The following EXT2 variants were observed in gnomAD, a reference collection of about 807,000 sequenced individuals.
EXT2 encodes the protein exostosin glycosyltransferase 2, also known as exostosin-2.
In EXT2, 53 loss-of-function variants were observed where a neutral mutation model predicts 81.6. That is an observed-to-expected ratio of 0.65 (90% CI 0.52 to 0.82). The LOEUF is 0.82. EXT2 is among the 40% of genes least tolerant of loss of function. The pLI, the probability that EXT2 is intolerant of heterozygous loss-of-function variation, is 0.00. For missense variants in EXT2, 774 were observed against 910.2 expected, an observed-to-expected ratio of 0.85 and a Z score of 1.93; for synonymous variants, 320 against 340.0, an observed-to-expected ratio of 0.94 and a Z score of 0.65.
chr11:44,106,753 C>T (rs998896006), intron 1 of EXT2, among the ~76,000 whole-genome samples: 1 of 152,222 alleles, frequency 6.6e-6, no homozygotes, highest in Non-Finnish European at 1.5e-5. Context: ...CCTCAGCCTC[C>T]CAACTAGCTG....
chr11:44,223,561 A>T (rs867058288), intron 10 of EXT2, among the ~76,000 whole-genome samples: 1 of 152,186 alleles, frequency 6.6e-6, no homozygotes, highest in Non-Finnish European at 1.5e-5. Flanking sequence ...TTCCATTTAT[A>T]TAACCTCCTT....
chr11:44,153,327 G>A (rs1278436332), intron 7 of EXT2, among the ~76,000 whole-genome samples: 2 of 152,126 alleles, frequency 1.3e-5, no homozygotes, highest in Admixed American at 1.3e-4. Flanking sequence ...CATTGCTAGT[G>A]TATATGAAAG....
At chr11:44,221,071 T>C (rs531945786) in intron 10 of EXT2, among the ~76,000 whole-genome samples, 1 of 152,354 alleles carries the variant, frequency 6.6e-6, no homozygotes, top group South Asian at 2.1e-4. Context: ...TAGCCATTAA[T>C]GAAACATCCA....
At chr11:44,101,934 G>A (rs1395975552) in intron 1 of EXT2, among the ~76,000 whole-genome samples, 1 of 122,718 alleles carries the variant, frequency 8.1e-6, no homozygotes, top group East Asian at 2.5e-4. Context: ...TGCTTGACTT[G>A]TATAATCAGT....
intron 1 of EXT2, among the ~76,000 whole-genome samples, chr11:44,099,398 G>A (rs888858125): frequency 4.6e-5 from 7 of 152,136 alleles, no homozygotes; most frequent in Non-Finnish European, 7.4e-5. Context: ...TGTTAGCCAG[G>A]ATGGTCTCGA....
At chr11:44,184,522 G>T (rs557877030) in intron 8 of EXT2, among the ~76,000 whole-genome samples, 77 of 152,128 alleles carry the variant, frequency 5.1e-4, no homozygotes, top group South Asian at 8.3e-4. Context: ...GAGGCCGAGG[G>T]GGGTGGATCA....
At chr11:44,097,527 C>T (rs370340416) in intron 1 of EXT2, among the ~76,000 whole-genome samples, 22 of 152,172 alleles carry the variant, frequency 1.4e-4, no homozygotes, top group African/African-American at 5.1e-4. Context: ...CGGTGGCTCA[C>T]GCCTGTAATC....
At chr11:44,193,991 G>C (rs1238269287) in intron 8 of EXT2, among the ~76,000 whole-genome samples, 1 of 152,172 alleles carries the variant, frequency 6.6e-6, no homozygotes, top group Non-Finnish European at 1.5e-5. Flanking sequence ...TCTTGCCAGC[G>C]ACTCTGGTTC....
intron 7 of EXT2, among the ~76,000 whole-genome samples, chr11:44,153,963 A>G (rs1464575110): frequency 1.3e-5 from 2 of 150,352 alleles, no homozygotes; most frequent in African/African-American, 2.4e-5. Context: ...TTCATGAGAG[A>G]TATTGGTCTG....
intron 8 of EXT2, among the ~76,000 whole-genome samples, chr11:44,176,559 G>A (rs1183012414): frequency 6.6e-6 from 1 of 152,132 alleles, no homozygotes; most frequent in Non-Finnish European, 1.5e-5. Flanking sequence ...CTGATTTAAA[G>A]CAGTGGGTTA....
chr11:44,192,986 T>TA (rs1252237962), intron 8 of EXT2, among the ~76,000 whole-genome samples: 1 of 152,240 alleles, frequency 6.6e-6, no homozygotes, highest in Non-Finnish European at 1.5e-5. Context: ...GGCTTTAACT[T>TA]ACTTCTTTAA....
At chr11:44,236,877 T>G (rs1229933351) in intron 13 of EXT2, among the ~76,000 whole-genome samples, 1 of 151,940 alleles carries the variant, frequency 6.6e-6, no homozygotes, top group Non-Finnish European at 1.5e-5. Context: ...TCTGAAATAC[T>G]CTCTTTATTT....
At chr11:44,188,858 A>G (rs1290513463) in intron 8 of EXT2, among the ~76,000 whole-genome samples, 1 of 152,218 alleles carries the variant, frequency 6.6e-6, no homozygotes, top group Non-Finnish European at 1.5e-5. Context: ...GAGGTGGGGA[A>G]TGGAAAGAAG....
At chr11:44,155,297 A>G (rs1244279476) in intron 7 of EXT2, among the ~76,000 whole-genome samples, 4 of 151,872 alleles carry the variant, frequency 2.6e-5, no homozygotes, top group Non-Finnish European at 5.9e-5. Flanking sequence ...ATAGGTACCT[A>G]GTTTCCTTCT....
At chr11:44,217,138 A>G (rs939756050) in intron 10 of EXT2, among the ~76,000 whole-genome samples, 3 of 151,820 alleles carry the variant, frequency 2.0e-5, no homozygotes, top group African/African-American at 7.3e-5. Flanking sequence ...TCTTAGGATC[A>G]TCCTGTCACT....
At chr11:44,128,378 C>T (rs1206852468) in intron 6 of EXT2, among the ~76,000 whole-genome samples, 5 of 152,126 alleles carry the variant, frequency 3.3e-5, no homozygotes, top group Non-Finnish European at 4.4e-5. Context: ...CTTAGAGAAG[C>T]GATGAGCCAC....
intron 8 of EXT2, among the ~76,000 whole-genome samples, chr11:44,192,296 G>T (rs763343155): frequency 5.3e-5 from 8 of 151,912 alleles, no homozygotes; most frequent in African/African-American, 1.9e-4. Flanking sequence ...GTAGATCTCG[G>T]TGTTTCCACC....
intron 10 of EXT2, among the ~76,000 whole-genome samples, chr11:44,225,039 C>T (rs570471522): frequency 6.6e-6 from 1 of 152,138 alleles, no homozygotes; most frequent in African/African-American, 2.4e-5. Context: ...TAGTATGACC[C>T]ACACTGGAGC....
At chr11:44,212,832 T>C (rs2135219161) in intron 10 of EXT2, among the ~76,000 whole-genome samples, 1 of 152,314 alleles carries the variant, frequency 6.6e-6, no homozygotes. Context: ...AGGAGGCTAC[T>C]GACTGTATGA....
Sources: gnomAD v4.1 joint callset for allele counts (sites outside exome capture counted in the v4.1 genomes callset) on GRCh38, gnomAD v4.1.1 for gene constraint, MANE v1.5 for transcripts, NCBI Gene and HGNC (gene_info 2026-07-23, HGNC 2026-07-21) for gene names.